PATJ: variants seen among roughly 807,000 people sequenced by gnomAD.
The protein encoded by PATJ is inaD-like protein.
A neutral mutation model predicts 224.9 loss-of-function variants in PATJ; 190 were observed. The observed-to-expected ratio is 0.84, with a 90% CI of 0.75 to 0.95. The LOEUF (loss-of-function observed/expected upper bound fraction) is 0.95, where lower values mean the gene tolerates loss of function less well. Among genes scored for constraint, PATJ ranks in the 40% least tolerant of loss-of-function variants. PATJ has a pLI of 0.00. For missense variants in PATJ, 2,121 were observed against 2,270.3 expected, an observed-to-expected ratio of 0.93 and a Z score of 1.34; for synonymous variants, 769 against 820.3, an observed-to-expected ratio of 0.94 and a Z score of 1.07.
At chr1:62,023,287 T>C (rs1245289005) in intron 29 of PATJ, among the ~76,000 whole-genome samples, 1 of 124,490 alleles carries the variant, frequency 8.0e-6, no homozygotes, top group Non-Finnish European at 1.7e-5. Context: ...TGAAAGTCCA[T>C]CTCAAAAAAA....
intron 27 of PATJ, among the ~76,000 whole-genome samples, chr1:61,977,123 T>C (rs1644178573): frequency 6.6e-6 from 1 of 152,122 alleles, no homozygotes; most frequent in Admixed American, 6.5e-5. Flanking sequence ...GGTCTCACTC[T>C]GTTGCTCGGG....
chr1:62,071,303 A>G (rs954029719), intron 31 of PATJ, among the ~76,000 whole-genome samples: 2 of 152,128 alleles, frequency 1.3e-5, no homozygotes, highest in African/African-American at 4.8e-5. Flanking sequence ...AATTCCATTT[A>G]CTATCATCAT....
At chr1:61,753,392 T>A (rs967677256) in intron 1 of PATJ, among the ~76,000 whole-genome samples, 2 of 152,094 alleles carry the variant, frequency 1.3e-5, no homozygotes, top group African/African-American at 4.8e-5. Flanking sequence ...CTCCCCAAAT[T>A]TCAGGTTAGA....
chr1:62,011,577 AACAG>A lies in PATJ; in HGVS notation c.3868-6273_3868-6270del, dbSNP rs1646453003. On this transcript the variant is annotated intron_variant, in intron 28 of 43. Transcript: ENST00000642238. ...AAGGTCATGGATCACATATCGCCAT[AACAG>A]ACAGAATAATAATGTAAAAGTTTGA... Among the ~76,000 whole-genome samples, 4 of 152,320 alleles carry A rather than the reference AACAG, an allele frequency of 2.6e-5. No homozygotes were observed. In the South Asian group the frequency reaches 8.3e-4, roughly 32 times the overall value.
chr1:62,001,891 G>T (rs1177751297), intron 28 of PATJ, among the ~76,000 whole-genome samples: 1 of 152,036 alleles, frequency 6.6e-6, no homozygotes, highest in African/African-American at 2.4e-5. Context: ...CCTTGATGAG[G>T]TCCTTCACAA....
rs1437440584 is a variant in PATJ, at chr1:62,125,240, AAAAAAAAAAAAAAC to A, written c.5043+2192_5043+2205del. ...TGACAGAGTAAAACCCTGTCTCAAA[AAAAAAAAAAAAAAC>A]AAAAAAAAACAAAAAAAAAACGCCA... On this transcript the variant is annotated intron_variant, in intron 39 of 43. Transcript: ENST00000642238. Among the ~76,000 whole-genome samples the A allele has an allele frequency of 8.3e-3, 924 of 111,980 alleles. 29 individuals are homozygous for A. Among genetic ancestry groups the A allele is most frequent in the African/African-American group, 0.03 (884 of 29,528 alleles). The allele number at this position is 111,980 out of a possible 152,430, so 73.5% of individuals were successfully genotyped here.
intron 20 of PATJ, among the ~76,000 whole-genome samples, chr1:61,871,445 A>G (rs1342843532): frequency 1.5e-4 from 4 of 26,518 alleles, no homozygotes; most frequent in Non-Finnish European, 2.8e-4. Flanking sequence ...GTGTATATAC[A>G]CATATATATG....
At chr1:61,934,656 C>T (rs1204940626) in intron 27 of PATJ, among the ~76,000 whole-genome samples, 6 of 152,144 alleles carry the variant, frequency 3.9e-5, no homozygotes, top group Admixed American at 1.3e-4. Flanking sequence ...TCCTTTATAG[C>T]AGTTAACAAA....
chr1:62,137,540 G>A (rs1667055090), intron 41 of PATJ, among the ~76,000 whole-genome samples: 1 of 132,948 alleles, frequency 7.5e-6, no homozygotes, highest in African/African-American at 2.9e-5. Flanking sequence ...AGGGGGAAAT[G>A]CCTCTGGAGG....
intron 17 of PATJ, among the ~76,000 whole-genome samples, chr1:61,840,408 C>T (rs1030829600): frequency 5.3e-5 from 8 of 151,978 alleles, no homozygotes; most frequent in African/African-American, 1.9e-4. Context: ...TCCCTTACTT[C>T]TTCCAGGTAA....
chr1:61,846,819 G>A (rs1022079697), intron 17 of PATJ, among the ~76,000 whole-genome samples: 3 of 152,116 alleles, frequency 2.0e-5, no homozygotes, highest in East Asian at 1.9e-4. Flanking sequence ...GGCTGGCCTC[G>A]AACTCCTTGT....
At chr1:61,815,574 TG>T (rs1211034479) in intron 14 of PATJ, among the ~76,000 whole-genome samples, 2 of 152,100 alleles carry the variant, frequency 1.3e-5, no homozygotes, top group Non-Finnish European at 2.9e-5. Context: ...TCTACATGAC[TG>T]GGCGGGGTGG....
intron 30 of PATJ, among the ~76,000 whole-genome samples, chr1:62,050,268 G>A (rs1164754550): frequency 6.6e-6 from 1 of 152,144 alleles, no homozygotes; most frequent in African/African-American, 2.4e-5. Flanking sequence ...AACTGACTCA[G>A]TGAGAAAGCT....
chr1:62,140,353 T>G (rs1421959704), intron 41 of PATJ, among the ~76,000 whole-genome samples: 5 of 152,108 alleles, frequency 3.3e-5, no homozygotes, highest in African/African-American at 4.8e-5. Flanking sequence ...CAGCTAGACT[T>G]TTTAAAAATT....
chr1:61,985,593 G>A (rs945108415), intron 27 of PATJ, among the ~76,000 whole-genome samples: 2 of 151,888 alleles, frequency 1.3e-5, no homozygotes, highest in African/African-American at 4.9e-5. Flanking sequence ...TTCTACACTT[G>A]ACTAGCACAC....
chr1:61,845,132 G>A (rs538392873), intron 17 of PATJ, among the ~76,000 whole-genome samples: 2 of 152,270 alleles, frequency 1.3e-5, no homozygotes, highest in East Asian at 3.9e-4. Flanking sequence ...TAGATAAGGG[G>A]GGACTACTGT....
chr1:61,893,527 G>A (rs927688225), intron 22 of PATJ, among the ~76,000 whole-genome samples: 23 of 149,236 alleles, frequency 1.5e-4, no homozygotes, highest in Non-Finnish European at 3.1e-4. Flanking sequence ...TAGGCCAGGT[G>A]TGGTGGCTCA....
At chr1:61,943,114 C>T (rs1321899931) in intron 27 of PATJ, among the ~76,000 whole-genome samples, 1 of 152,142 alleles carries the variant, frequency 6.6e-6, no homozygotes, top group Admixed American at 6.5e-5. Context: ...TCTCATCATG[C>T]TAAGTAAAGG....
chr1:62,152,090 C>G (rs970816836), intron 42 of PATJ, among the ~76,000 whole-genome samples: 24 of 152,180 alleles, frequency 1.6e-4, no homozygotes, highest in Admixed American at 6.5e-5. Context: ...CAGTCATGAT[C>G]CTGAGTTTCT....
Sources: allele counts gnomAD v4.1 joint callset (sites outside exome capture counted in the v4.1 genomes callset), GRCh38; gene constraint gnomAD v4.1.1; transcripts MANE v1.5; gene names NCBI Gene and HGNC (gene_info 2026-07-23, HGNC 2026-07-21).